Variants in FCGRT observed in about 807,000 individuals in gnomAD.
FCGRT encodes the protein Fc gamma receptor and transporter.
In FCGRT, 13 loss-of-function variants were observed where a neutral mutation model predicts 35.7. That is an observed-to-expected ratio of 0.36 (90% CI 0.24 to 0.58). The LOEUF (loss-of-function observed/expected upper bound fraction) is 0.58. Ranked by LOEUF, FCGRT falls within the 20% of genes least tolerant of loss-of-function variation. The probability of loss-of-function intolerance (pLI) is 0.77; values close to 1 mark genes in which losing one functional copy is unlikely to be tolerated. For synonymous variants in FCGRT, 233 were observed against 216.5 expected (o/e 1.08, Z -0.67); for missense variants, 455 against 474.9 (o/e 0.96, Z 0.39).
At chr19:49,522,770 CT>C (rs746958247) in intron 4 of FCGRT, among the ~76,000 whole-genome samples, 1,255 of 66,640 alleles carry the variant, frequency 0.019, 3 homozygotes, top group African/African-American at 0.031. Context: ...CTTAAGCTCT[CT>C]TTTTTTTTTT....
At position 49,526,021 on chromosome 19, in the gene FCGRT, T is replaced by C. The variant is rs2080074883; in HGVS notation, c.1000T>C (p.Ser334Pro). ...MRSGLPAPWISLRGDDTGVLL... is the reference protein window; with the variant it reads ...MRSGLPAPWIPLRGDDTGVLL... The stretch of plus-strand genomic sequence containing the variant: ...CTCTCTCTCCTCAGCCCCTTGGATC[T>C]CCCTTCGTGGAGACGACACCGGGGT... Residue 334 changes from serine to proline, a missense_variant, in exon 7 of 7, where the codon TCC (serine) becomes CCC (proline). Coordinates refer to ENST00000221466, the MANE Select transcript of FCGRT (RefSeq NM_001136019.3). 1 of 1,609,446 alleles carries C rather than the reference T, an allele frequency of 6.2e-7. No individual in the cohort carries two copies. Among genetic ancestry groups the C allele is most frequent in the Non-Finnish European group, 8.5e-7 (1 of 1,176,120 alleles).
At chr19:49,514,691 C>CTTTT (rs559894159) in intron 4 of FCGRT, among the ~76,000 whole-genome samples, 2 of 137,020 alleles carry the variant, frequency 1.5e-5, no homozygotes, top group Non-Finnish European at 3.2e-5. Context: ...TCCTTGCCTT[C>CTTTT]TTTTTTTTTT....
chr19:49,526,019 T>C lies in FCGRT; in HGVS notation c.998T>C (p.Ile333Thr). ...RMRSGLPAPWISLRGDDTGVL... is the reference protein window; with the variant it reads ...RMRSGLPAPWTSLRGDDTGVL... ...CTCTCTCTCTCCTCAGCCCCTTGGATCTCCCTTCGTGGAGACGACACCGGG... is the reference window on the plus strand; with the variant it reads ...CTCTCTCTCTCCTCAGCCCCTTGGACCTCCCTTCGTGGAGACGACACCGGG... The change falls in exon 7 of 7, where the codon ATC becomes ACC. Residue 333 changes from isoleucine (I) to threonine (T), a missense_variant. Ile to Thr is a moderately conservative substitution (Grantham distance 89, BLOSUM62 -1). Transcript: ENST00000221466. 1 of 1,608,672 alleles carries C rather than the reference T, an allele frequency of 6.2e-7. No individual in the cohort carries two copies. The highest frequency in any genetic ancestry group is 8.5e-7 in the Non-Finnish European group (1 of 1,175,456).
At chr19:49,513,241 C>A in intron 1 of FCGRT, 146 bp from the exon 2 acceptor site, 1 of 398,082 alleles carries the variant, frequency 2.5e-6, no homozygotes, top group Non-Finnish European at 4.4e-6. Flanking sequence ...GAAAGTTCTT[C>A]AGGTACGAGG....
chr19:49,513,371 C>A lies in FCGRT; in HGVS notation c.-14-16C>A. On this transcript the variant is annotated splice_polypyrimidine_tract_variant and intron_variant, in intron 1 of 6. Transcript: ENST00000221466. The stretch of plus-strand genomic sequence containing the variant: ...GCCGGGGGTCGGGAGGAGTCACGTG[C>A]CCCCTCCCGCCCCAGGTCGTCCTCT... 4 of 916,102 alleles carry A rather than the reference C, an allele frequency of 4.4e-6. No individual in the cohort carries two copies. The highest frequency in any genetic ancestry group is 5.5e-6 in the Non-Finnish European group (4 of 727,506). 56.7% of individuals were successfully genotyped at this position (916,102 alleles called of 1,614,324 possible).
intron 4 of FCGRT, among the ~76,000 whole-genome samples, chr19:49,515,869 G>A (rs570557180): frequency 3.5e-4 from 54 of 152,206 alleles, no homozygotes; most frequent in African/African-American, 1.3e-3. Context: ...GCACCTCTCT[G>A]TTCCACCCTT....
Position 49,524,514 on chromosome 19 carries a change from C to G in FCGRT, c.609C>G (p.Pro203=). 6.2e-7 allele frequency: 1 copy of G among 1,606,224 alleles called. No individual in the cohort carries two copies. The highest frequency in any genetic ancestry group is 1.1e-5 in the South Asian group (1 of 90,966). ...CTGCCTGATTTCCTGCAGAGCCCCC[C>G]TCCATGCGCCTGAAGGCCCGACCCA... ...GRGNLEWKEP[P]SMRLKARPSS... Residue 203 remains proline (P), a synonymous_variant, in exon 5 of 7, where the codon CCC becomes CCG. Transcript: ENST00000221466.
chr19:49,525,934 C>G, intron 6 of FCGRT, 76 bp from the exon 7 acceptor site: 1 of 890,596 alleles, frequency 1.1e-6, no homozygotes, highest in Non-Finnish European at 1.9e-6. Flanking sequence ...GAGACACACA[C>G]ACAAATGGGG....
intron 4 of FCGRT, 34 bp from the exon 5 acceptor site, chr19:49,524,473 C>T (rs199680957): frequency 6.9e-4 from 1,089 of 1,587,022 alleles, no homozygotes; most frequent in Non-Finnish European, 8.4e-4. Flanking sequence ...GTGGTGGGCT[C>T]GCGACTTAGG....
At chr19:49,514,182 C>T (rs1469734969) in intron 3 of FCGRT, 29 bp from the exon 4 acceptor site, 1 of 1,609,270 alleles carries the variant, frequency 6.2e-7, no homozygotes, top group African/African-American at 1.3e-5. Flanking sequence ...TGCTCCGGGG[C>T]CCCGCTTACC....
chr19:49,526,134 G>A lies in FCGRT; in HGVS notation c.*15G>A, dbSNP rs774095632. 2.0e-5 allele frequency: 31 copies of A among 1,550,554 alleles called. No individual in the cohort carries two copies. Among genetic ancestry groups the A allele is most frequent in the Admixed American group, 1.8e-4 (11 of 59,890 alleles). On this transcript the variant is annotated 3_prime_UTR_variant, in exon 7 of 7. Coordinates refer to ENST00000221466, the MANE Select transcript of FCGRT (RefSeq NM_001136019.3). ...CCACCGCCTGACCATCCGCCATTCC[G>A]ACTGCTAAAAGCGAATGTAGTCAGG...
intron 4 of FCGRT, among the ~76,000 whole-genome samples, chr19:49,522,841 A>G (rs1261722980): frequency 1.5e-5 from 2 of 136,222 alleles, no homozygotes; most frequent in East Asian, 2.2e-4. Flanking sequence ...GCAGTGGCGC[A>G]ATCTCGGCTC....
intron 5 of FCGRT, 25 bp downstream of exon 5, chr19:49,524,801 C>A (rs779410010): frequency 2.5e-6 from 4 of 1,592,754 alleles, no homozygotes; most frequent in Non-Finnish European, 3.4e-6. Flanking sequence ...GGTGGTGATG[C>A]TCCTGGTTTC....
intron 4 of FCGRT, 129 bp from the exon 5 acceptor site, chr19:49,524,378 C>T (rs76375876): frequency 0.037 from 37,991 of 1,036,116 alleles, 882 homozygotes; most frequent in Non-Finnish European, 0.046. Flanking sequence ...GGAAGTGCCT[C>T]CCCTTTTACC....
Position 49,513,098 on chromosome 19 carries a change from G to C in FCGRT, c.-14-289G>C, listed in dbSNP as rs191953696. On this transcript the variant is annotated intron_variant, in intron 1 of 6. Transcript: ENST00000221466. ...CCGAGGGAAGAGCGGTTGGGGGCCT[G>C]GACTCCGGGGTCTGAGGGAGGAGGG... The C allele has an allele frequency of 1.1e-3, 235 of 213,180 alleles. 1 individual carries two copies. Among genetic ancestry groups the C allele is most frequent in the African/African-American group, 5.6e-3 (218 of 38,778 alleles). The allele number at this position is 213,180 out of a possible 1,614,324, so 13.2% of individuals were successfully genotyped here. A position where few individuals can be genotyped will look rare whatever the true frequency, so the allele number is the denominator to read the frequency against.
chr19:49,525,570 C>T lies in FCGRT; in HGVS notation c.985C>T (p.Pro329Ser). 1.2e-6 allele frequency: 2 copies of T among 1,606,448 alleles called. No individual in the cohort carries two copies. Among genetic ancestry groups the T allele is most frequent in the South Asian group, 1.1e-5 (1 of 90,816 alleles). Residue 329 changes from proline to serine, a missense_variant, in exon 6 of 7, where the codon CCA (proline) becomes TCA (serine). Pro to Ser is a moderately conservative substitution (Grantham distance 74). Coordinates refer to ENST00000221466, the MANE Select transcript of FCGRT (RefSeq NM_001136019.3). ...LLWRRMRSGL[P>S]APWISLRGDD... ...GTGGAGAAGGATGAGGAGTGGGCTG[C>T]CAGGTGGGGGGCAGCGGGAGGAAGA...
Position 49,526,125 on chromosome 19 carries a change from CG to C in FCGRT, c.*7del. The C allele has an allele frequency of 1.3e-6, 2 of 1,583,290 alleles. No individual in the cohort carries two copies. Among genetic ancestry groups the C allele is most frequent in the Non-Finnish European group, 8.7e-7 (1 of 1,152,084 alleles). ...TGATTCCAGCCACCGCCTGACCATC[CG>C]CCATTCCGACTGCTAAAAGCGAATG... On this transcript the variant is annotated 3_prime_UTR_variant, in exon 7 of 7. Coordinates refer to ENST00000221466, the MANE Select transcript of FCGRT (RefSeq NM_001136019.3).
chr19:49,524,440 C>T (rs1042040917), intron 4 of FCGRT, 67 bp from the exon 5 acceptor site: 10 of 1,532,194 alleles, frequency 6.5e-6, no homozygotes, highest in South Asian at 1.2e-5. Context: ...TCTTTCTGTC[C>T]CTATCCAGCC....
intron 4 of FCGRT, among the ~76,000 whole-genome samples, chr19:49,517,440 G>T (rs1025869044): frequency 6.6e-6 from 1 of 151,258 alleles, no homozygotes; most frequent in African/African-American, 2.4e-5. Flanking sequence ...GCAGTGAGCC[G>T]AGATCAAGCC....
Sources: allele counts gnomAD v4.1 joint callset (sites outside exome capture counted in the v4.1 genomes callset), GRCh38; gene constraint gnomAD v4.1.1; transcripts MANE v1.5; gene names NCBI Gene and HGNC (gene_info 2026-07-23, HGNC 2026-07-21).